HPS1: variants seen among roughly 807,000 people sequenced by gnomAD.
HPS1 encodes HPS1 biogenesis of lysosomal organelles complex 3 subunit 1.
In HPS1, 59 loss-of-function variants were observed where a neutral mutation model predicts 90.6. The ratio of observed to expected loss-of-function variants is 0.65; its 90% CI spans 0.53 to 0.81. The LOEUF is 0.81. Among genes scored for constraint, HPS1 ranks in the 30% least tolerant of loss-of-function variants. The probability of loss-of-function intolerance (pLI) is 0.00; values close to 1 mark genes in which losing one functional copy is unlikely to be tolerated. For synonymous variants in HPS1, 388 were observed against 384.4 expected, an observed-to-expected ratio of 1.01 and a Z score of -0.11; for missense variants, 849 against 896.7, an observed-to-expected ratio of 0.95 and a Z score of 0.68.
In HPS1 at chr10:98,417,355, T is replaced by A; in HGVS notation, c.*209A>T. On this transcript the variant is annotated 3_prime_UTR_variant, in exon 20 of 20. Coordinates refer to ENST00000361490, the MANE Select transcript of HPS1 (RefSeq NM_000195.5). This position sits in a 1 kb window ranked among gnomAD's most constrained non-coding sequence, Gnocchi z 4.2. The stretch of plus-strand genomic sequence containing the variant: ...CAAACAGGACCCCTGGGCTTCCCTC[T>A]TCCTCCAGAGAGAAGGATCTGGGGC... The A allele has an allele frequency of 3.8e-6, 2 of 527,186 alleles. No individual in the cohort carries two copies. Among genetic ancestry groups the A allele is most frequent in the Non-Finnish European group, 6.7e-6 (2 of 298,408 alleles). 32.7% of individuals were successfully genotyped at this position (527,186 alleles called of 1,614,324 possible).
chr10:98,435,606 G>A lies in HPS1; in HGVS notation c.255+29C>T. On this transcript the variant is annotated intron_variant, in intron 4 of 19. Coordinates refer to ENST00000361490, the MANE Select transcript of HPS1 (RefSeq NM_000195.5). The surrounding 1 kb of genome is among the most constrained non-coding windows in gnomAD (Gnocchi z 4.3). ...ACTCCCCATCAAGCTGAGGGAAGAG[G>A]AACATGGGCCCCAGAGCTATAGACT... The A allele has an allele frequency of 6.2e-7, 1 of 1,613,874 alleles. No individual in the cohort carries two copies. The highest frequency in any genetic ancestry group is 2.2e-5 in the East Asian group (1 of 44,880).
Position 98,429,857 on chromosome 10 carries a change from G to T in HPS1, c.801C>A (p.Asn267Lys). 1 of 1,613,246 alleles carries T rather than the reference G, an allele frequency of 6.2e-7. No individual in the cohort carries two copies. Among genetic ancestry groups the T allele is most frequent in the Non-Finnish European group, 8.5e-7 (1 of 1,179,998 alleles). ...PSPRRARSSQ[N>K]IPVQQAWSPH... ...GGCTCCAGGCCTGCTGCACGGGGATGTTCTGGCTGCTCCGGGCCCTCCGCG... is the reference window on the plus strand; with the variant it reads ...GGCTCCAGGCCTGCTGCACGGGGATTTTCTGGCTGCTCCGGGCCCTCCGCG... The change falls in exon 9 of 20, where the codon AAC (asparagine) becomes AAA (lysine). Residue 267 changes from asparagine (N) to lysine (K), a missense_variant. By Grantham distance (94) the Asn-to-Lys change is moderately conservative. Transcript: ENST00000361490.
At position 98,429,805 on chromosome 10, in the gene HPS1, T is replaced by C; in HGVS notation, c.853A>G (p.Ser285Gly). ...SPHSTGPTGG[S>G]SAETETDSFS... is the part of the protein sequence containing the mutation. ...ACAGCACACACCGTCTCTGCAGAGC[T>C]CCCCCCAGTTGGGCCCGTGGAGTGA... Residue 285 changes from serine to glycine, a missense_variant, in exon 9 of 20, where the codon AGC becomes GGC. By Grantham distance (56) the Ser-to-Gly change is moderately conservative. Transcript: ENST00000361490. The C allele has an allele frequency of 1.2e-6, 2 of 1,613,516 alleles. No individual in the cohort carries two copies. The highest frequency in any genetic ancestry group is 1.7e-6 in the Non-Finnish European group (2 of 1,179,914).
intron 14 of HPS1, 96 bp downstream of exon 14, chr10:98,424,217 T>C (rs1288116202): frequency 1.1e-6 from 1 of 916,550 alleles, no homozygotes; most frequent in Non-Finnish European, 1.8e-6. Context: ...ATTATTTTGC[T>C]GATAAATGAA....
intron 6 of HPS1, among the ~76,000 whole-genome samples, chr10:98,433,248 A>G (rs1049038966): frequency 6.6e-6 from 1 of 151,524 alleles, no homozygotes; most frequent in African/African-American, 2.4e-5. Context: ...AAAAAAAAAA[A>G]AGAAATGCAA....
chr10:98,414,707 G>C (rs568349456), downstream of HPS1: 1 of 312,496 alleles, frequency 3.2e-6, no homozygotes, highest in East Asian at 6.0e-5. Flanking sequence ...CTTTGCAAGA[G>C]ATATAGGGAA....
intron 2 of HPS1, 55 bp from the exon 3 acceptor site, chr10:98,443,295 C>T (rs1359618659): frequency 2.2e-6 from 3 of 1,333,910 alleles, no homozygotes; most frequent in Non-Finnish European, 3.2e-6. Context: ...TCTATGAGCT[C>T]AGTCTGAGTA....
At chr10:98,418,663 G>A (rs988063482) in intron 18 of HPS1, among the ~76,000 whole-genome samples, 2 of 152,232 alleles carry the variant, frequency 1.3e-5, no homozygotes, top group African/African-American at 4.8e-5. Context: ...TGCTGGACGT[G>A]CCGTGTGTGC....
rs757680094 is a variant in HPS1 at position 98,445,770 on chromosome 10, C to T, written c.-105-366G>A. Among the ~76,000 whole-genome samples, 3 of 152,108 alleles carry T rather than the reference C, an allele frequency of 2.0e-5. No homozygotes were observed. Among genetic ancestry groups the T allele is most frequent in the African/African-American group, 4.8e-5 (2 of 41,428 alleles). On this transcript the variant is annotated intron_variant, in intron 1 of 19. Transcript: ENST00000361490. This position sits in a 1 kb window ranked among gnomAD's most constrained non-coding sequence, Gnocchi z 4.5. ...ATCCCAGGTGGTGAGGATGCAGTCC[C>T]GGTGAAGGGAGTGGGGATCCTGGGA... is the stretch of plus-strand genomic sequence containing the variant.
At position 98,417,313 on chromosome 10, in the gene HPS1, T is replaced by C. The variant is rs764092734; in HGVS notation, c.*251A>G. 2.3e-6 allele frequency: 1 copy of C among 441,278 alleles called. No homozygotes were observed. The highest frequency in any genetic ancestry group is 4.1e-6 in the Non-Finnish European group (1 of 246,906). The allele number at this position is 441,278 out of a possible 1,614,324, so 27.3% of individuals were successfully genotyped here. ...AGAGGCAGCTCTGGAAGAGGAGCTG[T>C]TGCCACCGTTGTTTTACAAACAGGA... On this transcript the variant is annotated 3_prime_UTR_variant, in exon 20 of 20. Coordinates refer to ENST00000361490, the MANE Select transcript of HPS1 (RefSeq NM_000195.5). This position sits in a 1 kb window ranked among gnomAD's most constrained non-coding sequence, Gnocchi z 4.2.
rs1387827595 is a variant in HPS1 at position 98,445,639 on chromosome 10, C to T, written c.-105-235G>A. 2.0e-5 allele frequency among the ~76,000 whole-genome samples: 3 copies of T among 152,194 alleles called. No homozygotes were observed. Among genetic ancestry groups the T allele is most frequent in the Admixed American group, 6.5e-5 (1 of 15,288 alleles). On this transcript the variant is annotated intron_variant, in intron 1 of 19. Coordinates refer to ENST00000361490, the MANE Select transcript of HPS1 (RefSeq NM_000195.5). This position sits in a 1 kb window ranked among gnomAD's most constrained non-coding sequence, Gnocchi z 4.5. The stretch of plus-strand genomic sequence containing the variant: ...GAGCAGGTGCCCACTTTTGTTCCTT[C>T]CTCCTTTGTTCCCATGAAGTGCTCT...
downstream of HPS1, chr10:98,415,081 C>A: frequency 1.2e-6 from 2 of 1,614,132 alleles, no homozygotes; most frequent in African/African-American, 2.7e-5. Flanking sequence ...CGTCTCCACG[C>A]CGGGAAGGGA....
chr10:98,435,219 G>T lies in HPS1; in HGVS notation c.398+53C>A. Reference sequence around the variant, plus strand: ...ACAGGGGCTGGGCACACGCTGCCTGGCCCAGCGAGGGTGCTCGGCAAAGGA... The same window carrying T: ...ACAGGGGCTGGGCACACGCTGCCTGTCCCAGCGAGGGTGCTCGGCAAAGGA... On this transcript the variant is annotated intron_variant, in intron 5 of 19. Transcript: ENST00000361490. The surrounding 1 kb of genome is among the most constrained non-coding windows in gnomAD (Gnocchi z 4.3). The T allele has an allele frequency of 6.2e-7, 1 of 1,610,696 alleles. No individual in the cohort carries two copies. Among genetic ancestry groups the T allele is most frequent in the Non-Finnish European group, 8.5e-7 (1 of 1,177,906 alleles).
At chr10:98,416,134 G>A (rs889728159), downstream of HPS1, 1 of 152,320 alleles carries the variant, frequency 6.6e-6, no homozygotes, top group African/African-American at 2.4e-5. Flanking sequence ...TCCTAAGAGG[G>A]GGTTCCGAGG....
intron 5 of HPS1, 66 bp from the exon 6 acceptor site, chr10:98,434,157 A>C: frequency 3.4e-6 from 5 of 1,465,998 alleles, no homozygotes; most frequent in Non-Finnish European, 4.6e-6. Context: ...CACCCAACCA[A>C]AGGACCACAG....
intron 17 of HPS1, among the ~76,000 whole-genome samples, chr10:98,421,371 A>G (rs1427506296): frequency 6.6e-6 from 1 of 152,260 alleles, no homozygotes; most frequent in Non-Finnish European, 1.5e-5. Context: ...AGAATTATTT[A>G]TAACAGCAAA....
chr10:98,425,590 C>T lies in HPS1; in HGVS notation c.1286G>A (p.Arg429His), dbSNP rs201728087. 1.2e-4 allele frequency: 191 copies of T among 1,613,616 alleles called. No homozygotes were observed. The highest frequency in any genetic ancestry group is 4.9e-4 in the Middle Eastern group (3 of 6,074). ...LRSQPLVGDLRQRMDKFVKNR... is the reference protein window; with the variant it reads ...LRSQPLVGDLHQRMDKFVKNR... Reference sequence around the variant, plus strand: ...CTTGACAAACTTGTCCATCCTCTGGCGCAGGTCTCCCACGAGGGGCTGGGA... The same window carrying T: ...CTTGACAAACTTGTCCATCCTCTGGTGCAGGTCTCCCACGAGGGGCTGGGA... Residue 429 changes from arginine to histidine, a missense_variant, in exon 13 of 20, where the codon CGC becomes CAC. Transcript: ENST00000361490.
Position 98,416,325 on chromosome 10 carries a change from G to A in HPS1, c.*1239C>T, listed in dbSNP as rs1350002143. 6.6e-6 allele frequency: 1 copy of A among 152,338 alleles called. No homozygotes were observed. Among genetic ancestry groups the A allele is most frequent in the Non-Finnish European group, 1.5e-5 (1 of 68,044 alleles). The allele number at this position is 152,338 out of a possible 1,614,324, so 9.4% of individuals were successfully genotyped here. A position where few individuals can be genotyped will look rare whatever the true frequency, so the allele number is the denominator to read the frequency against. On this transcript the variant is annotated 3_prime_UTR_variant, in exon 20 of 20. Coordinates refer to ENST00000361490, the MANE Select transcript of HPS1 (RefSeq NM_000195.5). ...GGAAATAGTAGGTGACAAAAGCAGGGGTCCTGAACAGTGGTGGGCTCAGGG... is the reference window on the plus strand; with the variant it reads ...GGAAATAGTAGGTGACAAAAGCAGGAGTCCTGAACAGTGGTGGGCTCAGGG...
chr10:98,446,333 A>C (rs960679437), intron 1 of HPS1, among the ~76,000 whole-genome samples: 1 of 152,090 alleles, frequency 6.6e-6, no homozygotes, highest in African/African-American at 2.4e-5. Context: ...CTTCCGCTTC[A>C]CCTCGCTATC....
Sources: gnomAD v4.1 joint callset for allele counts (sites outside exome capture counted in the v4.1 genomes callset) on GRCh38, gnomAD v4.1.1 for gene constraint, Gnocchi (gnomAD v3.1) non-coding constraint, MANE v1.5 for transcripts, NCBI Gene and HGNC (gene_info 2026-07-23, HGNC 2026-07-21) for gene names.